Variants in KCNH1 observed in about 807,000 individuals in gnomAD.
The protein encoded by KCNH1 is voltage-gated delayed rectifier potassium channel KCNH1.
Under a neutral mutation model 69.2 loss-of-function variants are expected in KCNH1, and 27 were observed. That is an observed-to-expected ratio of 0.39 (90% CI 0.29 to 0.54). The LOEUF is 0.54. KCNH1 is among the 20% of genes least tolerant of loss of function. The pLI is 0.68. For missense variants in KCNH1, 798 were observed against 1,261.6 expected (o/e 0.63, Z 5.57); for synonymous variants, 456 against 487.7 (o/e 0.93, Z 0.86).
chr1:210,863,116 C>T (rs1304550707), intron 7 of KCNH1, among the ~76,000 whole-genome samples: 1 of 152,180 alleles, frequency 6.6e-6, no homozygotes, highest in African/African-American at 2.4e-5. Flanking sequence ...TTCCTTGAAT[C>T]CATGAAGAGC....
intron 10 of KCNH1, among the ~76,000 whole-genome samples, chr1:210,745,145 A>G (rs1683120787): frequency 2.0e-5 from 3 of 152,236 alleles, no homozygotes; most frequent in Non-Finnish European, 4.4e-5. Context: ...CAGAAGTTGC[A>G]GCGAGTGGAG....
intron 5 of KCNH1, among the ~76,000 whole-genome samples, chr1:211,057,381 G>A (rs1342261741): frequency 2.0e-5 from 3 of 152,132 alleles, no homozygotes; most frequent in Admixed American, 6.6e-5. Context: ...CATGCCTGTG[G>A]TCCTAGTACT....
intron 5 of KCNH1, among the ~76,000 whole-genome samples, chr1:211,066,543 C>T (rs79733796): frequency 0.017 from 2,529 of 152,252 alleles, 63 homozygotes; most frequent in African/African-American, 0.055. Flanking sequence ...GTGTCACTAA[C>T]TCATTCCAGT....
intron 10 of KCNH1, among the ~76,000 whole-genome samples, chr1:210,696,818 A>C (rs1002607930): frequency 6.6e-6 from 1 of 152,204 alleles, no homozygotes; most frequent in South Asian, 2.1e-4. Flanking sequence ...AACAGCCTGC[A>C]TAGAGGCCTG....
In KCNH1 at chr1:210,718,649, T is replaced by C. The variant is rs1016440565; in HGVS notation, c.2113-34511A>G. Reference sequence around the variant, plus strand: ...GTATAAATATATATATACATATATATATACACACACACACACACACACACA... The same window carrying C: ...GTATAAATATATATATACATATATACATACACACACACACACACACACACA... On this transcript the variant is annotated intron_variant, in intron 10 of 10. Transcript: ENST00000271751. 3.5e-4 allele frequency among the ~76,000 whole-genome samples: 25 copies of C among 72,328 alleles called. 3 individuals are homozygous for C. In the South Asian group the frequency reaches 4.8e-3, roughly 14 times the overall value. 47.4% of individuals were successfully genotyped at this position (72,328 alleles called of 152,430 possible).
intron 6 of KCNH1, among the ~76,000 whole-genome samples, chr1:210,982,796 G>A (rs1421239029): frequency 6.6e-6 from 1 of 152,152 alleles, no homozygotes; most frequent in Non-Finnish European, 1.5e-5. Flanking sequence ...GTAATGGGAT[G>A]GCTGGGTCAA....
At chr1:210,770,232 C>T (rs1035252012) in intron 10 of KCNH1, among the ~76,000 whole-genome samples, 8 of 152,078 alleles carry the variant, frequency 5.3e-5, no homozygotes, top group African/African-American at 1.9e-4. Context: ...GGAGAGAGAG[C>T]ATTTGGACAA....
At chr1:210,807,636 T>TA (rs923372762) in intron 7 of KCNH1, among the ~76,000 whole-genome samples, 81 of 151,046 alleles carry the variant, frequency 5.4e-4, no homozygotes, top group Non-Finnish European at 1.0e-3. Context: ...AATAAATAAA[T>TA]AATAATAATA....
intron 5 of KCNH1, among the ~76,000 whole-genome samples, chr1:211,040,213 C>T (rs1689968625): frequency 6.8e-6 from 1 of 146,606 alleles, no homozygotes; most frequent in South Asian, 2.2e-4. Flanking sequence ...AAAAAGACTT[C>T]GGGGGACTGT....
intron 7 of KCNH1, among the ~76,000 whole-genome samples, chr1:210,843,164 A>T (rs1421376751): frequency 1.3e-5 from 2 of 152,198 alleles, no homozygotes; most frequent in Non-Finnish European, 2.9e-5. Flanking sequence ...AAGAAAAAGG[A>T]ATGATATTGC....
At chr1:211,080,273 A>G (rs1193691664) in intron 5 of KCNH1, among the ~76,000 whole-genome samples, 1 of 152,166 alleles carries the variant, frequency 6.6e-6, no homozygotes, top group Admixed American at 6.5e-5. Flanking sequence ...GATGTGAAGG[A>G]CCCCTTCAAG....
chr1:210,856,898 T>TATATATATATATATATATATATATATAA lies in KCNH1; in HGVS notation c.1463-52733_1463-52732insTTATATATATATATATATATATATATAT, dbSNP rs1410330503. Among the ~76,000 whole-genome samples the TATATATATATATATATATATATATATAA allele has an allele frequency of 4.7e-3, 564 of 121,198 alleles. 3 individuals are homozygous for TATATATATATATATATATATATATATAA. The highest frequency in any genetic ancestry group is 8.1e-3 in the South Asian group (27 of 3,316). 79.5% of individuals were successfully genotyped at this position (121,198 alleles called of 152,430 possible). ...CCCACTATATATATATATATATATA[T>TATATATATATATATATATATATATATAA]AAAATACTCATGCCTGGTGTTTACT... On this transcript the variant is annotated intron_variant, in intron 7 of 10. Transcript: ENST00000271751.
At chr1:210,839,063 A>G (rs971482374) in intron 7 of KCNH1, among the ~76,000 whole-genome samples, 2 of 152,234 alleles carry the variant, frequency 1.3e-5, no homozygotes, top group African/African-American at 4.8e-5. Flanking sequence ...TACCAAGTAT[A>G]TACCCAAAGG....
chr1:210,746,738 G>C (rs1683170541), intron 10 of KCNH1, among the ~76,000 whole-genome samples: 2 of 151,964 alleles, frequency 1.3e-5, no homozygotes, highest in Non-Finnish European at 2.9e-5. Context: ...GTAGAGACAG[G>C]GTTTCACCAT....
intron 8 of KCNH1, among the ~76,000 whole-genome samples, 197 bp from the exon 9 acceptor site, chr1:210,797,957 G>A (rs1292436637): frequency 6.6e-6 from 1 of 151,890 alleles, no homozygotes; most frequent in Non-Finnish European, 1.5e-5. Flanking sequence ...TGAATGTTCA[G>A]GACAGGGGTC....
chr1:211,016,434 G>T (rs79366677), intron 6 of KCNH1, among the ~76,000 whole-genome samples: 1 of 151,948 alleles, frequency 6.6e-6, no homozygotes, highest in Non-Finnish European at 1.5e-5. Flanking sequence ...ATAGAAAATC[G>T]TTTATTTTAA....
chr1:211,004,338 C>T (rs1689239994), intron 6 of KCNH1, among the ~76,000 whole-genome samples: 1 of 151,750 alleles, frequency 6.6e-6, no homozygotes, highest in Admixed American at 6.6e-5. Flanking sequence ...ATATACGTAT[C>T]GATGCATAAG....
Position 211,019,024 on chromosome 1 carries a change from T to C in KCNH1, c.791A>G (p.Asp264Gly). Residue 264 changes from aspartate (D) to glycine (G), a missense_variant, in exon 6 of 11, where the codon GAC becomes GGC. Asp to Gly is a moderately conservative substitution (Grantham distance 94). Coordinates refer to ENST00000271751, the MANE Select transcript of KCNH1 (RefSeq NM_172362.3). Reference protein sequence around the residue: ...DSIVDVIFLVDIVLNFHTTFV... With the variant: ...DSIVDVIFLVGIVLNFHTTFV... ...GGTGGTATGAAAATTGAGCACAATG[T>C]CCACCAAAAAGATAACATCCACGAT... 6.2e-7 allele frequency: 1 copy of C among 1,614,014 alleles called. No homozygotes were observed. Among genetic ancestry groups the C allele is most frequent in the Non-Finnish European group, 8.5e-7 (1 of 1,179,968 alleles).
rs149592534 is a variant in KCNH1 at position 210,868,333 on chromosome 1, G to C, written c.1462+51307C>G. On this transcript the variant is annotated intron_variant, in intron 7 of 10. Transcript: ENST00000271751. ...TATAAGTTTTTTTTAATACATTCTG[G>C]ATTCAAACCTTTATCAGCTTAGTCT... is the stretch of plus-strand genomic sequence containing the variant. Among the ~76,000 whole-genome samples, 66 of 151,696 alleles carry C rather than the reference G, an allele frequency of 4.4e-4. 3 individuals carry two copies. In the East Asian group the frequency reaches 8.9e-3, roughly 20 times the overall value.
Sources: allele counts gnomAD v4.1 joint callset (sites outside exome capture counted in the v4.1 genomes callset), GRCh38; gene constraint gnomAD v4.1.1; transcripts MANE v1.5; gene names NCBI Gene and HGNC (gene_info 2026-07-23, HGNC 2026-07-21).